CTNNA3: variants seen among roughly 807,000 people sequenced by gnomAD.
CTNNA3 encodes catenin alpha 3, also known as catenin alpha-3.
A neutral mutation model predicts 95.7 loss-of-function variants in CTNNA3; 76 were observed. The ratio of observed to expected loss-of-function variants is 0.79; its 90% CI spans 0.66 to 0.96. CTNNA3 has a LOEUF of 0.96. CTNNA3 is among the 40% of genes least tolerant of loss of function. CTNNA3 has a pLI of 0.00. For missense variants in CTNNA3, 1,191 were observed against 1,089.8 expected (o/e 1.09, Z -1.31); for synonymous variants, 431 against 374.4 (o/e 1.15, Z -1.74).
At chr10:67,667,726 T>C (rs1003615487) in intron 1 of CTNNA3, among the ~76,000 whole-genome samples, 18 of 152,160 alleles carry the variant, frequency 1.2e-4, no homozygotes, top group African/African-American at 4.1e-4. Context: ...GGCAGTTTCT[T>C]TCCTCATGTA....
chr10:67,149,957 T>C (rs1861020196), intron 7 of CTNNA3, among the ~76,000 whole-genome samples: 1 of 152,196 alleles, frequency 6.6e-6, no homozygotes, highest in Non-Finnish European at 1.5e-5. Context: ...ATTCACACTA[T>C]TCAGAAATTT....
intron 7 of CTNNA3, among the ~76,000 whole-genome samples, chr10:67,175,297 A>T (rs762749829): frequency 5.3e-5 from 8 of 152,172 alleles, no homozygotes; most frequent in East Asian, 1.9e-4. Context: ...AAATAAAAAT[A>T]AATTAATTAA....
intron 7 of CTNNA3, among the ~76,000 whole-genome samples, chr10:66,799,112 T>G (rs1316612829): frequency 6.6e-6 from 1 of 151,598 alleles, no homozygotes; most frequent in Non-Finnish European, 1.5e-5. Flanking sequence ...GCCAGTGACT[T>G]AATTCACTGT....
intron 7 of CTNNA3, among the ~76,000 whole-genome samples, chr10:66,954,465 G>A (rs1333747797): frequency 6.6e-6 from 1 of 152,086 alleles, no homozygotes; most frequent in Non-Finnish European, 1.5e-5. Context: ...CTATGTACAG[G>A]AGAGCATGTT....
intron 1 of CTNNA3, among the ~76,000 whole-genome samples, chr10:67,725,242 T>G (rs544257355): frequency 6.6e-6 from 1 of 151,816 alleles, no homozygotes; most frequent in East Asian, 1.9e-4. Flanking sequence ...AGCGGCACGA[T>G]CTCGGCTCAC....
At chr10:66,973,920 C>T (rs890300073) in intron 7 of CTNNA3, among the ~76,000 whole-genome samples, 1 of 152,168 alleles carries the variant, frequency 6.6e-6, no homozygotes, top group Admixed American at 6.5e-5. Flanking sequence ...CCGCGTCCAG[C>T]CTTATTTATT....
At chr10:66,197,771 G>C (rs1182066974) in intron 13 of CTNNA3, among the ~76,000 whole-genome samples, 2 of 152,068 alleles carry the variant, frequency 1.3e-5, no homozygotes, top group Non-Finnish European at 2.9e-5. Context: ...ACTAGTAAAG[G>C]CCAGCTGTTT....
chr10:66,661,162 A>G (rs1382768428), intron 9 of CTNNA3, among the ~76,000 whole-genome samples: 3 of 152,248 alleles, frequency 2.0e-5, no homozygotes, highest in South Asian at 2.1e-4. Flanking sequence ...CATTCTGCCA[A>G]TTTTAGAATC....
chr10:67,457,234 C>T (rs566273883), intron 5 of CTNNA3, among the ~76,000 whole-genome samples: 2 of 152,074 alleles, frequency 1.3e-5, no homozygotes, highest in Non-Finnish European at 2.9e-5. Context: ...AAAGTTATGG[C>T]CAAGAAGAGC....
At chr10:67,646,484 G>C (rs183071440) in intron 2 of CTNNA3, among the ~76,000 whole-genome samples, 27 of 151,894 alleles carry the variant, frequency 1.8e-4, no homozygotes, top group Non-Finnish European at 3.5e-4. Flanking sequence ...ATTGTCTTTC[G>C]AGTAGCAGAT....
intron 17 of CTNNA3, among the ~76,000 whole-genome samples, chr10:65,932,273 T>C (rs2077266779): frequency 6.6e-6 from 1 of 152,186 alleles, no homozygotes; most frequent in South Asian, 2.1e-4. Context: ...GATGTATATA[T>C]CCTGTTTCAT....
intron 5 of CTNNA3, among the ~76,000 whole-genome samples, chr10:67,337,506 C>T (rs1356277659): frequency 6.6e-6 from 1 of 152,170 alleles, no homozygotes; most frequent in African/African-American, 2.4e-5. Flanking sequence ...TGGAATATTA[C>T]ATAAACTTAG....
intron 5 of CTNNA3, among the ~76,000 whole-genome samples, chr10:67,304,573 A>C (rs747861489): frequency 1.3e-5 from 2 of 152,148 alleles, no homozygotes; most frequent in Non-Finnish European, 2.9e-5. Context: ...AATGAAAGAA[A>C]TCTATTTACA....
chr10:67,162,444 C>T (rs10822991), intron 7 of CTNNA3, among the ~76,000 whole-genome samples: 21,427 of 151,650 alleles, frequency 0.14, 2,040 homozygotes, highest in African/African-American at 0.28. Context: ...GTGTTCTCTG[C>T]GCACAATCAA....
intron 11 of CTNNA3, among the ~76,000 whole-genome samples, chr10:66,473,362 T>C (rs2131880560): frequency 6.6e-6 from 1 of 152,030 alleles, no homozygotes; most frequent in South Asian, 2.1e-4. Flanking sequence ...GCCTTGCTCC[T>C]CATGCTTCTC....
intron 5 of CTNNA3, among the ~76,000 whole-genome samples, chr10:67,422,678 T>C (rs1845787480): frequency 6.6e-6 from 1 of 152,086 alleles, no homozygotes; most frequent in Non-Finnish European, 1.5e-5. Context: ...CACATTCTCA[T>C]TCACTCTCTC....
intron 11 of CTNNA3, among the ~76,000 whole-genome samples, chr10:66,486,688 G>C (rs1367127278): frequency 6.6e-6 from 1 of 152,042 alleles, no homozygotes; most frequent in Admixed American, 6.6e-5. Flanking sequence ...CCCACTTCTG[G>C]GTATATAGCC....
At chr10:67,312,971 G>A (rs1043891464) in intron 5 of CTNNA3, among the ~76,000 whole-genome samples, 1 of 152,028 alleles carries the variant, frequency 6.6e-6, no homozygotes, top group Non-Finnish European at 1.5e-5. Flanking sequence ...ATTTAAATTA[G>A]AGTCTGTTCA....
rs1259657988 is a variant in CTNNA3 at position 67,652,528 on chromosome 10, T to TA, written c.-5-5011dup. Among the ~76,000 whole-genome samples the TA allele has an allele frequency of 2.6e-5, 4 of 152,326 alleles. No individual in the cohort carries two copies. In the East Asian group the frequency reaches 7.7e-4, roughly 29 times the overall value. ...ATTAATTAAACATTTTATTAGGTAA[T>TA]ACAAGGTTTAATAATGTATATAGTG... On this transcript the variant is annotated intron_variant, in intron 1 of 17. Transcript: ENST00000433211.
Sources: allele counts gnomAD v4.1 joint callset (sites outside exome capture counted in the v4.1 genomes callset), GRCh38; gene constraint gnomAD v4.1.1; transcripts MANE v1.5; gene names NCBI Gene and HGNC (gene_info 2026-07-23, HGNC 2026-07-21).